The following KCNH4 variants were observed in gnomAD, a reference collection of about 807,000 sequenced individuals.
The protein encoded by KCNH4 is potassium voltage-gated channel subfamily H member 4.
Under a neutral mutation model 90.7 loss-of-function variants are expected in KCNH4, and 33 were observed. The ratio of observed to expected loss-of-function variants is 0.36; its 90% CI spans 0.28 to 0.49. The LOEUF is 0.49. KCNH4 is among the 20% of genes least tolerant of loss of function. The probability of loss-of-function intolerance (pLI) is 0.98; values close to 1 mark genes in which losing one functional copy is unlikely to be tolerated. For missense variants in KCNH4, 1,044 were observed against 1,387.1 expected (o/e 0.75, Z 3.93); for synonymous variants, 551 against 581.7 (o/e 0.95, Z 0.76).
chr17:42,159,821 C>T lies in KCNH4; in HGVS notation c.*219G>A. 2.4e-6 allele frequency: 1 copy of T among 417,272 alleles called. No individual in the cohort carries two copies. Among genetic ancestry groups the T allele is most frequent in the Non-Finnish European group, 4.2e-6 (1 of 237,004 alleles). The allele number at this position is 417,272 out of a possible 1,614,324, so 25.8% of individuals were successfully genotyped here. ...TCTCATGCCTGCTGGGTTCCACAGCCCTCAGGTGGCTCCCCTCACAGAGGG... is the reference window on the plus strand; with the variant it reads ...TCTCATGCCTGCTGGGTTCCACAGCTCTCAGGTGGCTCCCCTCACAGAGGG... On this transcript the variant is annotated 3_prime_UTR_variant, in exon 16 of 17. Coordinates refer to ENST00000264661, the MANE Select transcript of KCNH4 (RefSeq NM_012285.3).
In KCNH4 at chr17:42,163,643, G is replaced by T; in HGVS notation, c.2440C>A (p.Pro814Thr). 6.7e-7 allele frequency: 1 copy of T among 1,500,880 alleles called. No homozygotes were observed. Among genetic ancestry groups the T allele is most frequent in the Non-Finnish European group, 8.9e-7 (1 of 1,121,432 alleles). The allele number at this position is 1,500,880 out of a possible 1,614,324, so 93.0% of individuals were successfully genotyped here. A position where few individuals can be genotyped will look rare whatever the true frequency, so the allele number is the denominator to read the frequency against. ...AWKPPQLLIP[P>T]LGTFGPPDLS... is the part of the protein sequence containing the mutation. ...TCCGGAGGTCCAAAGGTTCCCAGTGGGGGAATGAGAAGCTGAGGGGGCTTC... is the reference window on the plus strand; with the variant it reads ...TCCGGAGGTCCAAAGGTTCCCAGTGTGGGAATGAGAAGCTGAGGGGGCTTC... The change falls in exon 13 of 17, where the codon CCA becomes ACA. Residue 814 changes from proline (P) to threonine (T), a missense_variant. Pro to Thr is a conservative substitution (Grantham distance 38). Coordinates refer to ENST00000264661, the MANE Select transcript of KCNH4 (RefSeq NM_012285.3). The surrounding 1 kb of genome is among the most constrained non-coding windows in gnomAD (Gnocchi z 5.4).
At position 42,166,478 on chromosome 17, in the gene KCNH4, C is replaced by T. The variant is rs746855684; in HGVS notation, c.1659G>A (p.Gln553=). 5.6e-6 allele frequency: 9 copies of T among 1,614,060 alleles called. No homozygotes were observed. Among genetic ancestry groups the T allele is most frequent in the Non-Finnish European group, 7.6e-6 (9 of 1,179,976 alleles). ...IAMHLNREIL[Q]LPLFGAASRG... ...TGCTCGCTGCCCCGAACAACGGCAG[C>T]TGCAGGATCTCCCGATTCAGGTGCA... The change falls in exon 10 of 17, where the codon CAG becomes CAA. Residue 553 remains glutamine (Q), a synonymous_variant. Coordinates refer to ENST00000264661, the MANE Select transcript of KCNH4 (RefSeq NM_012285.3).
chr17:42,169,790 G>T, intron 8 of KCNH4, 114 bp from the exon 9 acceptor site: 1 of 1,072,072 alleles, frequency 9.3e-7, no homozygotes. Flanking sequence ...GTGCCTACCA[G>T]GTGCCAGGCA....
chr17:42,164,063 G>C (rs1028345186), intron 12 of KCNH4, 67 bp downstream of exon 12: 2 of 1,529,024 alleles, frequency 1.3e-6, no homozygotes, highest in African/African-American at 2.8e-5. Context: ...CATGGAAAGG[G>C]GGATGCTGCT....
chr17:42,171,359 G>A (rs1380661555), intron 7 of KCNH4, among the ~76,000 whole-genome samples: 3 of 152,066 alleles, frequency 2.0e-5, no homozygotes, highest in Admixed American at 6.6e-5. Flanking sequence ...GACCATGCCC[G>A]GGATCTGACA....
rs2079759549 is a variant in KCNH4, at chr17:42,163,027, T to A, written c.2584+201A>T. 6.6e-6 allele frequency among the ~76,000 whole-genome samples: 1 copy of A among 152,230 alleles called. No homozygotes were observed. The highest frequency in any genetic ancestry group is 6.5e-5 in the Admixed American group (1 of 15,286). On this transcript the variant is annotated intron_variant, in intron 14 of 16. Coordinates refer to ENST00000264661, the MANE Select transcript of KCNH4 (RefSeq NM_012285.3). The surrounding 1 kb of genome is among the most constrained non-coding windows in gnomAD (Gnocchi z 5.4). ...AGAGTCCTGTTCTTGTCTGTCATGGTATTTAGCATCTGGAATTGTTTATCT... is the reference window on the plus strand; with the variant it reads ...AGAGTCCTGTTCTTGTCTGTCATGGAATTTAGCATCTGGAATTGTTTATCT...
At position 42,166,297 on chromosome 17, in the gene KCNH4, C is replaced by T. The variant is rs1213395931; in HGVS notation, c.1840G>A (p.Gly614Arg). The T allele has an allele frequency of 1.2e-6, 2 of 1,600,016 alleles. No homozygotes were observed. The highest frequency in any genetic ancestry group is 4.5e-5 in the East Asian group (2 of 44,050). Residue 614 changes from glycine to arginine, a missense_variant and splice_region_variant, in exon 10 of 17, where the codon GGG becomes AGG. This residue lies in a region of KCNH4 where 318 missense variants were observed against 479.6 expected (regional missense o/e 0.66). Coordinates refer to ENST00000264661, the MANE Select transcript of KCNH4 (RefSeq NM_012285.3). ...TAGTAGAGGGTGACGGTGTCCTTAC[C>T]CAGGATGGCCAGCACCATGTTGTCT... ...LRDNMVLAIL[G>R]KGDLIGADIP...
rs144948417 is a variant in KCNH4, at chr17:42,179,578, T to C, written c.77-552A>G. Among the ~76,000 whole-genome samples, 308 of 152,378 alleles carry C rather than the reference T, an allele frequency of 2.0e-3. 1 individual carries two copies. Among genetic ancestry groups the C allele is most frequent in the African/African-American group, 6.9e-3 (287 of 41,590 alleles). ...TTTTCCCCACATTCACTTGGCTTTCTTCCTATTACAGAGTAAGCAGGGCAG... is the reference window on the plus strand; with the variant it reads ...TTTTCCCCACATTCACTTGGCTTTCCTCCTATTACAGAGTAAGCAGGGCAG... On this transcript the variant is annotated intron_variant, in intron 1 of 16. Coordinates refer to ENST00000264661, the MANE Select transcript of KCNH4 (RefSeq NM_012285.3).
At chr17:42,164,672 C>T (rs1005579366) in intron 11 of KCNH4, among the ~76,000 whole-genome samples, 1 of 151,762 alleles carries the variant, frequency 6.6e-6, no homozygotes, top group Non-Finnish European at 1.5e-5. Context: ...GCATGGCATG[C>T]ATGCCTGTCA....
At position 42,163,691 on chromosome 17, in the gene KCNH4, G is replaced by A. The variant is rs777823166; in HGVS notation, c.2392C>T (p.Pro798Ser). The stretch of plus-strand genomic sequence containing the variant: ...TTCCAGGCAGCAGAGCACCTGGGGG[G>A]GCCGTGAGGGGAGGCACTGTGGCCC... ...GQGHSASPHG[P>S]PRCSAAWKPP... is the part of the protein sequence containing the mutation. Residue 798 changes from proline to serine, a missense_variant, in exon 13 of 17, where the codon CCC becomes TCC. By Grantham distance (74) the Pro-to-Ser change is moderately conservative (BLOSUM62 -1). Coordinates refer to ENST00000264661, the MANE Select transcript of KCNH4 (RefSeq NM_012285.3). This position sits in a 1 kb window ranked among gnomAD's most constrained non-coding sequence, Gnocchi z 5.4. 2.6e-6 allele frequency: 4 copies of A among 1,512,100 alleles called. No individual in the cohort carries two copies. Among genetic ancestry groups the A allele is most frequent in the African/African-American group, 1.4e-5 (1 of 71,452 alleles). The allele number at this position is 1,512,100 out of a possible 1,614,324, so 93.7% of individuals were successfully genotyped here.
rs753420473 is a variant in KCNH4, at chr17:42,178,800, G to T, written c.303C>A (p.Arg101=). The part of the protein sequence containing the change: ...QEHRAEICFY[R]KDGSAFWCLL... Reference sequence around the variant, plus strand: ...TGGGGTGAGCCCCCTCACCATCCTTGCGGTAGAAGCAGATTTCAGCCCGGT... The same window carrying T: ...TGGGGTGAGCCCCCTCACCATCCTTTCGGTAGAAGCAGATTTCAGCCCGGT... Residue 101 remains arginine, a synonymous_variant, in exon 2 of 17, where the codon CGC becomes CGA. Transcript: ENST00000264661. 1 of 1,612,792 alleles carries T rather than the reference G, an allele frequency of 6.2e-7. No individual in the cohort carries two copies. Among genetic ancestry groups the T allele is most frequent in the Non-Finnish European group, 8.5e-7 (1 of 1,179,534 alleles).
rs369945826 is a variant in KCNH4 at position 42,170,249 on chromosome 17, C to T, written c.1248G>A (p.Ser416=). 14 of 1,607,690 alleles carry T rather than the reference C, an allele frequency of 8.7e-6. No homozygotes were observed. Among genetic ancestry groups the T allele is most frequent in the South Asian group, 5.5e-5 (5 of 91,014 alleles). The change falls in exon 8 of 17, where the codon TCG becomes TCA. Residue 416 remains serine (S), a synonymous_variant. Coordinates refer to ENST00000264661, the MANE Select transcript of KCNH4 (RefSeq NM_012285.3). ...KRLEVPYVNG[S]VGGPSRRSAY... ...CGCTGCGCCGTGATGGGCCGCCCACCGAGCCATTGACATAGGGCACCTCCA... is the reference window on the plus strand; with the variant it reads ...CGCTGCGCCGTGATGGGCCGCCCACTGAGCCATTGACATAGGGCACCTCCA...
chr17:42,158,892 C>T (rs61198758), intron 16 of KCNH4, among the ~76,000 whole-genome samples: 11,650 of 151,704 alleles, frequency 0.077, 545 homozygotes, highest in African/African-American at 0.13. Flanking sequence ...CTATGTTGCT[C>T]AGGTGGATCT....
chr17:42,170,941 G>C (rs1258881021), intron 7 of KCNH4, among the ~76,000 whole-genome samples: 1 of 152,220 alleles, frequency 6.6e-6, no homozygotes, highest in African/African-American at 2.4e-5. Context: ...GTATGTCCTG[G>C]GTCCAGGGGA....
chr17:42,176,156 T>A lies in KCNH4; in HGVS notation c.727A>T (p.Thr243Ser). 1 of 1,613,492 alleles carries A rather than the reference T, an allele frequency of 6.2e-7. No individual in the cohort carries two copies. Among genetic ancestry groups the A allele is most frequent in the Non-Finnish European group, 8.5e-7 (1 of 1,179,848 alleles). Residue 243 changes from threonine (T) to serine (S), a missense_variant, in exon 5 of 17, where the codon ACC becomes TCC. Physicochemically the swap from Thr to Ser is moderately conservative, Grantham distance 58. Coordinates refer to ENST00000264661, the MANE Select transcript of KCNH4 (RefSeq NM_012285.3). ...GAGAAACAGACATTGTAGGGGACGG[T>A]GACCGCAACGTAGAAGGTGGCAAGG... ...ILLATFYVAV[T>S]VPYNVCFSGD...
chr17:42,180,542 T>A lies in KCNH4; in HGVS notation c.76+328A>T, dbSNP rs982198584. Reference sequence around the variant, plus strand: ...GGCCACTTTGCCCCACTTCTGTGTCTCGGATACCCCCATACACGCCCCCAG... The same window carrying A: ...GGCCACTTTGCCCCACTTCTGTGTCACGGATACCCCCATACACGCCCCCAG... On this transcript the variant is annotated intron_variant, in intron 1 of 16. Transcript: ENST00000264661. The surrounding 1 kb of genome is among the most constrained non-coding windows in gnomAD (Gnocchi z 4.7). Among the ~76,000 whole-genome samples the A allele has an allele frequency of 6.6e-5, 10 of 152,044 alleles. No homozygotes were observed. Among genetic ancestry groups the A allele is most frequent in the Non-Finnish European group, 1.3e-4 (9 of 67,992 alleles).
At position 42,178,886 on chromosome 17, in the gene KCNH4, G is replaced by T; in HGVS notation, c.217C>A (p.Pro73Thr). 1 of 1,614,170 alleles carries T rather than the reference G, an allele frequency of 6.2e-7. No individual in the cohort carries two copies. Among genetic ancestry groups the T allele is most frequent in the African/African-American group, 1.3e-5 (1 of 75,052 alleles). ...TGCAGGGCTGGCTCACTGGTCTCTG[G>T]GCCGTAGAGGAAACGGCAGCTGCAG... is the stretch of plus-strand genomic sequence containing the variant. ...KTCSCRFLYG[P>T]ETSEPALQRL... The change falls in exon 2 of 17, where the codon CCA becomes ACA. Residue 73 changes from proline (P) to threonine (T), a missense_variant. Physicochemically the swap from Pro to Thr is conservative, Grantham distance 38. This residue lies in a region of KCNH4 where 283 missense variants were observed against 378.6 expected (regional missense o/e 0.75). Transcript: ENST00000264661.
chr17:42,166,259 G>T, intron 10 of KCNH4, 38 bp downstream of exon 10: 1 of 1,554,456 alleles, frequency 6.4e-7, no homozygotes, highest in Non-Finnish European at 8.7e-7. Flanking sequence ...GCGGGGGGTG[G>T]TTCCAGGGTA....
At chr17:42,165,127 AAAAAAC>A (rs957103878) in intron 11 of KCNH4, among the ~76,000 whole-genome samples, 10 of 151,856 alleles carry the variant, frequency 6.6e-5, no homozygotes, top group Non-Finnish European at 1.2e-4. Flanking sequence ...ACAAAACCCA[AAAAAAC>A]AAAAACAAAA....
Sources: allele counts gnomAD v4.1 joint callset (sites outside exome capture counted in the v4.1 genomes callset), GRCh38; gene constraint gnomAD v4.1.1; regional missense constraint gnomAD v4.1.1; non-coding constraint Gnocchi (gnomAD v3.1); transcripts MANE v1.5; gene names NCBI Gene and HGNC (gene_info 2026-07-23, HGNC 2026-07-21).